The following KCNIP4 variants were observed in gnomAD, a reference collection of about 807,000 sequenced individuals.
The protein encoded by KCNIP4 is potassium voltage-gated channel interacting protein 4, also known as Kv channel-interacting protein 4.
A neutral mutation model predicts 34.0 loss-of-function variants in KCNIP4; 12 were observed. The observed-to-expected ratio is 0.35, with a 90% confidence interval of 0.23 to 0.57. KCNIP4 has a LOEUF of 0.57. KCNIP4 is among the 20% of genes least tolerant of loss of function. The pLI, the probability that KCNIP4 is intolerant of heterozygous loss-of-function variation, is 0.83. For missense variants in KCNIP4, 238 were observed against 311.7 expected (o/e 0.76, Z 1.78); for synonymous variants, 124 against 102.2 (o/e 1.21, Z -1.29).
chr4:21,857,994 G>C (rs1049919671), intron 1 of KCNIP4, among the ~76,000 whole-genome samples: 3 of 152,214 alleles, frequency 2.0e-5, no homozygotes, highest in Non-Finnish European at 4.4e-5. Context: ...ACCTGGTCCA[G>C]CAGCAGCCTC....
chr4:21,721,441 C>T (rs985709684), intron 1 of KCNIP4, among the ~76,000 whole-genome samples: 10 of 152,058 alleles, frequency 6.6e-5, no homozygotes, highest in Non-Finnish European at 1.5e-4. Flanking sequence ...GACAAGGTAT[C>T]AAGTAAAAAT....
intron 1 of KCNIP4, among the ~76,000 whole-genome samples, chr4:21,034,375 T>C (rs994889798): frequency 1.3e-5 from 2 of 152,228 alleles, no homozygotes; most frequent in African/African-American, 4.8e-5. Context: ...GCTTCTTAAA[T>C]AACCCAAGCT....
intron 2 of KCNIP4, among the ~76,000 whole-genome samples, chr4:20,858,559 A>C (rs1721862560): frequency 6.6e-6 from 1 of 152,214 alleles, no homozygotes. Flanking sequence ...TTTCAAGAGA[A>C]GGATTATCAT....
chr4:21,048,439 G>A (rs571443129), intron 1 of KCNIP4, among the ~76,000 whole-genome samples: 40 of 152,286 alleles, frequency 2.6e-4, no homozygotes, highest in African/African-American at 9.1e-4. Context: ...TAATGCAAGG[G>A]AATGCAGATG....
chr4:21,654,878 C>G (rs575155290), intron 1 of KCNIP4, among the ~76,000 whole-genome samples: 3 of 151,882 alleles, frequency 2.0e-5, no homozygotes, highest in South Asian at 2.1e-4. Flanking sequence ...GAGCAGAGAT[C>G]GCGCCACTGC....
chr4:21,708,154 C>T (rs1713437323), intron 1 of KCNIP4, among the ~76,000 whole-genome samples: 1 of 152,042 alleles, frequency 6.6e-6, no homozygotes, highest in Non-Finnish European at 1.5e-5. Context: ...AGTCTCCTGC[C>T]TGACAAAACA....
chr4:21,322,384 G>A (rs1044783261), intron 1 of KCNIP4, among the ~76,000 whole-genome samples: 1 of 152,096 alleles, frequency 6.6e-6, no homozygotes, highest in Non-Finnish European at 1.5e-5. Flanking sequence ...AAGTGGGCTT[G>A]CAAAGCCATT....
chr4:21,712,205 G>A (rs573794009), intron 1 of KCNIP4, among the ~76,000 whole-genome samples: 14 of 152,100 alleles, frequency 9.2e-5, no homozygotes, highest in South Asian at 8.3e-4. Context: ...AATCCTTCCC[G>A]TTCTAAAATA....
intron 1 of KCNIP4, among the ~76,000 whole-genome samples, chr4:21,026,638 G>C (rs1740580251): frequency 6.6e-6 from 1 of 152,080 alleles, no homozygotes; most frequent in South Asian, 2.1e-4. Flanking sequence ...TGGGGGGACA[G>C]AGCAAGATAC....
chr4:21,680,348 G>A (rs1335281700), intron 1 of KCNIP4, among the ~76,000 whole-genome samples: 2 of 152,074 alleles, frequency 1.3e-5, no homozygotes, highest in Admixed American at 1.3e-4. Flanking sequence ...TCTAATCCTC[G>A]TTTTCTTGCT....
intron 1 of KCNIP4, among the ~76,000 whole-genome samples, chr4:21,641,158 C>A (rs1256899734): frequency 3.3e-5 from 5 of 152,210 alleles, no homozygotes; most frequent in African/African-American, 1.2e-4. Flanking sequence ...TGTGATCAGG[C>A]CCAAGAGGGC....
intron 1 of KCNIP4, among the ~76,000 whole-genome samples, chr4:21,715,090 T>G (rs1405104212): frequency 1.7e-4 from 3 of 17,364 alleles, no homozygotes; most frequent in Non-Finnish European, 2.4e-4. Flanking sequence ...TTTTATTTTA[T>G]TTATTTTTGA....
intron 1 of KCNIP4, among the ~76,000 whole-genome samples, chr4:21,615,002 G>A (rs1201078388): frequency 6.6e-6 from 1 of 152,104 alleles, no homozygotes; most frequent in East Asian, 1.9e-4. Context: ...AAGAGGATCA[G>A]ACTGTCTTTT....
chr4:21,378,380 TTC>T (rs1351264569), intron 1 of KCNIP4, among the ~76,000 whole-genome samples: 1 of 152,208 alleles, frequency 6.6e-6, no homozygotes, highest in Non-Finnish European at 1.5e-5. Flanking sequence ...ATTCATTTTC[TTC>T]TTTTTTGCTG....
At chr4:20,794,255 A>G (rs903190370) in intron 3 of KCNIP4, among the ~76,000 whole-genome samples, 1 of 152,142 alleles carries the variant, frequency 6.6e-6, no homozygotes, top group African/African-American at 2.4e-5. Flanking sequence ...TCATGCTCCT[A>G]TGAGAATCTA....
chr4:21,221,514 T>G (rs765928772), intron 1 of KCNIP4, among the ~76,000 whole-genome samples: 6 of 152,080 alleles, frequency 3.9e-5, no homozygotes, highest in Non-Finnish European at 5.9e-5. Context: ...GGAGAGCCCC[T>G]TATAAAACTA....
chr4:21,257,536 T>C (rs1250240392), intron 1 of KCNIP4, among the ~76,000 whole-genome samples: 2 of 151,738 alleles, frequency 1.3e-5, no homozygotes, highest in African/African-American at 4.8e-5. Flanking sequence ...TCACCTGAGG[T>C]CAGGAGTTTG....
At chr4:21,029,805 T>G (rs1337999938) in intron 1 of KCNIP4, among the ~76,000 whole-genome samples, 6 of 152,178 alleles carry the variant, frequency 3.9e-5, no homozygotes, top group Admixed American at 3.9e-4. Flanking sequence ...TTGAGAGCCT[T>G]TAACTGCATA....
chr4:21,442,526 G>A (rs111975278), intron 1 of KCNIP4, among the ~76,000 whole-genome samples: 5 of 152,336 alleles, frequency 3.3e-5, no homozygotes, highest in African/African-American at 7.2e-5. Flanking sequence ...AAGAGATAAT[G>A]TTAGTCCATC....
Sources: allele counts gnomAD v4.1 joint callset (sites outside exome capture counted in the v4.1 genomes callset), GRCh38; gene constraint gnomAD v4.1.1; transcripts MANE v1.5; gene names NCBI Gene and HGNC (gene_info 2026-07-23, HGNC 2026-07-21).